VTI1A: variants seen among roughly 807,000 people sequenced by gnomAD.
The protein encoded by VTI1A is vesicle transport through interaction with t-SNAREs homolog 1A.
A neutral mutation model predicts 34.9 loss-of-function variants in VTI1A; 22 were observed. The ratio of observed to expected loss-of-function variants is 0.63; its 90% CI spans 0.45 to 0.90. The LOEUF (loss-of-function observed/expected upper bound fraction) is 0.90, where lower values mean the gene tolerates loss of function less well. VTI1A is among the 40% of genes least tolerant of loss of function. The pLI is 0.00. For missense variants in VTI1A, 268 were observed against 275.6 expected (o/e 0.97, Z 0.20); for synonymous variants, 87 against 97.3 (o/e 0.89, Z 0.62).
intron 5 of VTI1A, among the ~76,000 whole-genome samples, chr10:112,666,930 A>G (rs1229870802): frequency 6.6e-6 from 1 of 152,126 alleles, no homozygotes; most frequent in East Asian, 1.9e-4. Context: ...TTATTATTGT[A>G]CCCATTTATG....
At chr10:112,450,060 AT>A (rs1004769700) in intron 1 of VTI1A, 165 of 144,630 alleles carry the variant, frequency 1.1e-3, no homozygotes, top group Admixed American at 1.0e-3. Context: ...TGCCCGGCTG[AT>A]TTTTTTTTTT....
intron 7 of VTI1A, among the ~76,000 whole-genome samples, chr10:112,690,274 A>T (rs1247176923): frequency 6.6e-6 from 1 of 152,194 alleles, no homozygotes; most frequent in Non-Finnish European, 1.5e-5. Flanking sequence ...CTTGGTAAAT[A>T]CTTAGGAGTA....
intron 5 of VTI1A, among the ~76,000 whole-genome samples, chr10:112,591,836 A>G (rs1460143278): frequency 6.6e-6 from 1 of 152,218 alleles, no homozygotes; most frequent in Admixed American, 6.5e-5. Flanking sequence ...TGCAGATGTA[A>G]TTAAAGTAAC....
At chr10:112,660,170 G>A (rs191557286) in intron 5 of VTI1A, among the ~76,000 whole-genome samples, 8 of 152,126 alleles carry the variant, frequency 5.3e-5, no homozygotes, top group East Asian at 1.9e-4. Flanking sequence ...GCATGATCTC[G>A]GCACACTGCA....
chr10:112,567,358 G>T (rs1851942754), intron 5 of VTI1A, among the ~76,000 whole-genome samples: 1 of 152,136 alleles, frequency 6.6e-6, no homozygotes, highest in African/African-American at 2.4e-5. Context: ...TGGTTTGTTA[G>T]AGGTTTACCA....
At chr10:112,752,550 A>T (rs1458090639) in intron 7 of VTI1A, 1 of 985,298 alleles carries the variant, frequency 1.0e-6, no homozygotes, top group Non-Finnish European at 1.2e-6. Context: ...ATTCTCCTTC[A>T]GGGGGAACAT....
At chr10:112,764,015 AG>A (rs1271945661) in intron 7 of VTI1A, among the ~76,000 whole-genome samples, 4 of 152,196 alleles carry the variant, frequency 2.6e-5, no homozygotes, top group Non-Finnish European at 1.5e-5. Flanking sequence ...GAGAGGTGGA[AG>A]GAAATATTTT....
At chr10:112,765,050 A>G (rs1251130665) in intron 7 of VTI1A, among the ~76,000 whole-genome samples, 1 of 152,234 alleles carries the variant, frequency 6.6e-6, no homozygotes, top group Non-Finnish European at 1.5e-5. Context: ...GTTGGATATT[A>G]TAATTCCCTT....
At chr10:112,835,839 G>T in the VTI1A span, among the ~76,000 whole-genome samples, 3,392 of 152,166 alleles carry the variant, frequency 0.022, 120 homozygotes, top group African/African-American at 0.074. Context: ...ATTGGGGTAG[G>T]GGGGGCAGTA....
chr10:112,803,155 G>C (rs1852935214), intron 7 of VTI1A, among the ~76,000 whole-genome samples: 1 of 152,108 alleles, frequency 6.6e-6, no homozygotes, highest in Non-Finnish European at 1.5e-5. Context: ...TGCAACCTCT[G>C]CCTCCTGGGT....
rs149814179 is a variant in VTI1A, at chr10:112,735,831, C to A, written c.560+66833C>A. Among the ~76,000 whole-genome samples, 679 of 151,692 alleles carry A rather than the reference C, an allele frequency of 4.5e-3. 7 individuals carry two copies. Among genetic ancestry groups the A allele is most frequent in the African/African-American group, 0.016 (650 of 41,316 alleles). Reference sequence around the variant, plus strand: ...TTCTGTCAGTCTGGTCACTGAGTCCCCTATGGCACTCCAAGTGCCACAAGA... The same window carrying A: ...TTCTGTCAGTCTGGTCACTGAGTCCACTATGGCACTCCAAGTGCCACAAGA... On this transcript the variant is annotated intron_variant, in intron 7 of 7. Transcript: ENST00000393077.
chr10:112,689,116 G>A (rs1270100615), intron 7 of VTI1A, among the ~76,000 whole-genome samples: 4 of 152,114 alleles, frequency 2.6e-5, no homozygotes, highest in Non-Finnish European at 5.9e-5. Flanking sequence ...TAATTTTAAC[G>A]TGTTTGATGA....
chr10:112,509,542 G>T (rs1564806317), intron 3 of VTI1A, among the ~76,000 whole-genome samples: 1 of 152,216 alleles, frequency 6.6e-6, no homozygotes, highest in African/African-American at 2.4e-5. Flanking sequence ...GTTCATGTGA[G>T]ACTCTGGAAG....
intron 4 of VTI1A, chr10:112,533,486 C>T (rs566297145): frequency 1.0e-4 from 101 of 1,003,310 alleles, no homozygotes; most frequent in Non-Finnish European, 7.2e-5. Context: ...TCTTTCCTGC[C>T]ATTTCTTTCC....
intron 7 of VTI1A, among the ~76,000 whole-genome samples, chr10:112,715,763 G>A (rs1046991566): frequency 6.6e-6 from 1 of 152,190 alleles, no homozygotes; most frequent in Non-Finnish European, 1.5e-5. Flanking sequence ...CCTACTTCAA[G>A]GGCGCAGTCA....
intron 5 of VTI1A, among the ~76,000 whole-genome samples, chr10:112,659,051 C>A (rs1056626154): frequency 3.5e-4 from 54 of 152,296 alleles, no homozygotes; most frequent in African/African-American, 1.2e-3. Context: ...GTGATTAACT[C>A]GGCTCAGAAT....
chr10:112,517,946 TTAA>T (rs1849848564), intron 3 of VTI1A, among the ~76,000 whole-genome samples: 1 of 152,116 alleles, frequency 6.6e-6, no homozygotes, highest in Non-Finnish European at 1.5e-5. Context: ...ATGACTTTAA[TTAA>T]TAATAATGAA....
At chr10:112,471,902 A>G (rs1848101048) in intron 3 of VTI1A, among the ~76,000 whole-genome samples, 1 of 152,182 alleles carries the variant, frequency 6.6e-6, no homozygotes, top group Non-Finnish European at 1.5e-5. Context: ...TACAAACAAA[A>G]AACCCTCCAA....
intron 7 of VTI1A, chr10:112,752,291 TC>T (rs1851130851): frequency 1.1e-6 from 1 of 873,234 alleles, no homozygotes; most frequent in Non-Finnish European, 1.4e-6. Flanking sequence ...CCAGCCAGGG[TC>T]CCCTTCTCTG....
Sources: gnomAD v4.1 joint callset for allele counts (sites outside exome capture counted in the v4.1 genomes callset) on GRCh38, gnomAD v4.1.1 for gene constraint, MANE v1.5 for transcripts, NCBI Gene and HGNC (gene_info 2026-07-23, HGNC 2026-07-21) for gene names.